The following PDE1A variants were observed in gnomAD, a reference collection of about 807,000 sequenced individuals.
The protein encoded by PDE1A is phosphodiesterase 1A, also known as dual specificity calcium/calmodulin-dependent 3',5'-cyclic nucleotide phosphodiesterase 1A.
Under a neutral mutation model 61.7 loss-of-function variants are expected in PDE1A, and 35 were observed. The observed-to-expected ratio is 0.57, with a 90% CI of 0.43 to 0.75. PDE1A has a LOEUF of 0.75. Ranked by LOEUF, PDE1A falls within the 30% of genes least tolerant of loss-of-function variation. The pLI, the probability that PDE1A is intolerant of heterozygous loss-of-function variation, is 0.00. For synonymous variants in PDE1A, 232 were observed against 213.2 expected (o/e 1.09, Z -0.77); for missense variants, 597 against 630.6 (o/e 0.95, Z 0.57).
the PDE1A span, among the ~76,000 whole-genome samples, chr2:182,644,261 C>CTGTGTGTGTGTG: frequency 1.2e-4 from 8 of 68,362 alleles, no homozygotes; most frequent in Admixed American, 1.1e-3. Context: ...AGTCTTAAGA[C>CTGTGTGTGTGTG]TCTGTGTGTG....
At chr2:182,179,705 GTCTC>G (rs530245828) in intron 13 of PDE1A, among the ~76,000 whole-genome samples, 3 of 151,862 alleles carry the variant, frequency 2.0e-5, no homozygotes, top group Non-Finnish European at 4.4e-5. Flanking sequence ...CTTGCGCTCT[GTCTC>G]TCTCTTTCTT....
upstream of PDE1A, among the ~76,000 whole-genome samples, chr2:182,429,054 G>A (rs1342785472): frequency 6.6e-6 from 1 of 151,982 alleles, no homozygotes; most frequent in African/African-American, 2.4e-5. Context: ...CATTACCTTA[G>A]GTTTATATTC....
At chr2:182,648,381 A>G in the PDE1A span, among the ~76,000 whole-genome samples, 1 of 151,780 alleles carries the variant, frequency 6.6e-6, no homozygotes, top group Admixed American at 6.6e-5. Context: ...AGATGCAGTA[A>G]TAAGTCCAGG....
the PDE1A span, among the ~76,000 whole-genome samples, chr2:182,663,127 T>C: frequency 6.6e-6 from 1 of 152,208 alleles, no homozygotes; most frequent in South Asian, 2.1e-4. Flanking sequence ...AAAATCACAA[T>C]GAAATACCAT....
the PDE1A span, among the ~76,000 whole-genome samples, chr2:182,685,897 G>T: frequency 6.6e-5 from 10 of 152,248 alleles, no homozygotes; most frequent in African/African-American, 2.4e-4. Flanking sequence ...TCCCTGCCAA[G>T]ATAATATGCA....
chr2:182,410,420 A>C (rs986002445), intron 1 of PDE1A, among the ~76,000 whole-genome samples: 26 of 152,192 alleles, frequency 1.7e-4, no homozygotes, highest in Admixed American at 6.5e-5. Context: ...TGAAACTATG[A>C]ATAAACATTT....
chr2:182,302,179 A>G (rs573651661), intron 1 of PDE1A, among the ~76,000 whole-genome samples: 1 of 152,336 alleles, frequency 6.6e-6, no homozygotes, highest in Admixed American at 6.5e-5. Flanking sequence ...ATGCCAGCCC[A>G]ACTTTCAACT....
intron 10 of PDE1A, among the ~76,000 whole-genome samples, chr2:182,196,193 T>C (rs969619243): frequency 6.6e-6 from 1 of 152,078 alleles, no homozygotes; most frequent in African/African-American, 2.4e-5. Flanking sequence ...TTTTCTGTTT[T>C]GCTGCATATG....
the PDE1A span, among the ~76,000 whole-genome samples, chr2:182,592,735 G>A: frequency 1.3e-5 from 2 of 152,126 alleles, no homozygotes; most frequent in Admixed American, 1.3e-4. Flanking sequence ...GGTCAGGGTG[G>A]CAGAGGTTTT....
At chr2:182,432,432 T>C (rs567409401) in intron 2 of PDE1A, among the ~76,000 whole-genome samples, 1 of 151,432 alleles carries the variant, frequency 6.6e-6, no homozygotes, top group East Asian at 1.9e-4. Context: ...GCTGTTGTTG[T>C]TGTTGTTGTT....
intron 1 of PDE1A, among the ~76,000 whole-genome samples, chr2:182,334,526 A>G (rs1697651286): frequency 6.6e-6 from 1 of 152,188 alleles, no homozygotes; most frequent in Non-Finnish European, 1.5e-5. Flanking sequence ...GACAAAAACC[A>G]TATGATTATC....
At chr2:182,644,128 T>TACACACACACACACACACACACACAC in the PDE1A span, among the ~76,000 whole-genome samples, 6 of 129,436 alleles carry the variant, frequency 4.6e-5, no homozygotes, top group African/African-American at 8.4e-5. Context: ...AATCAATGAT[T>TACACACACACACACACACACACACAC]ACACACACAC....
chr2:182,298,847 C>T (rs949670092), intron 1 of PDE1A, among the ~76,000 whole-genome samples: 3 of 151,810 alleles, frequency 2.0e-5, no homozygotes, highest in Non-Finnish European at 4.4e-5. Context: ...ACTTTAAGCG[C>T]TGAAATATAA....
intron 2 of PDE1A, among the ~76,000 whole-genome samples, chr2:182,512,986 G>C (rs1017896144): frequency 3.9e-5 from 6 of 152,266 alleles, no homozygotes; most frequent in African/African-American, 1.2e-4. Flanking sequence ...TGGCATCCCT[G>C]AAAGAGAGGG....
At chr2:182,509,855 G>A (rs960490462) in intron 2 of PDE1A, among the ~76,000 whole-genome samples, 1 of 152,026 alleles carries the variant, frequency 6.6e-6, no homozygotes, top group Non-Finnish European at 1.5e-5. Context: ...AGTTTTAAAT[G>A]GACCAGAATT....
chr2:182,547,377 C>A, the PDE1A span, among the ~76,000 whole-genome samples: 6 of 152,124 alleles, frequency 3.9e-5, no homozygotes, highest in African/African-American at 9.7e-5. Flanking sequence ...CTTAGGAAAC[C>A]AACCAAAGTT....
At chr2:182,632,460 T>A in the PDE1A span, among the ~76,000 whole-genome samples, 1 of 146,774 alleles carries the variant, frequency 6.8e-6, no homozygotes, top group Admixed American at 6.8e-5. Context: ...CTACTTCTCA[T>A]TTTTTTTTTC....
chr2:182,399,687 A>G (rs1312445207), intron 1 of PDE1A, among the ~76,000 whole-genome samples: 5 of 152,218 alleles, frequency 3.3e-5, no homozygotes, highest in African/African-American at 1.2e-4. Context: ...ATTCTAGTAT[A>G]GAGTTTACAT....
At chr2:182,551,911 G>C in the PDE1A span, among the ~76,000 whole-genome samples, 1 of 152,080 alleles carries the variant, frequency 6.6e-6, no homozygotes, top group African/African-American at 2.4e-5. Flanking sequence ...CAAGAAGGGG[G>C]AGTTTATGCC....
Sources: gnomAD v4.1 joint callset for allele counts (sites outside exome capture counted in the v4.1 genomes callset) on GRCh38, gnomAD v4.1.1 for gene constraint, MANE v1.5 for transcripts, NCBI Gene and HGNC (gene_info 2026-07-23, HGNC 2026-07-21) for gene names.